Variants in CNTN5 observed in about 807,000 individuals in gnomAD.
The protein encoded by CNTN5 is contactin 5, also known as contactin-5.
A neutral mutation model predicts 129.1 loss-of-function variants in CNTN5; 77 were observed. That is an observed-to-expected ratio of 0.60 (90% CI 0.50 to 0.72). The LOEUF (loss-of-function observed/expected upper bound fraction) is 0.72, where lower values mean the gene tolerates loss of function less well. Ranked by LOEUF, CNTN5 falls within the 30% of genes least tolerant of loss-of-function variation. CNTN5 has a pLI of 0.00. For missense variants in CNTN5, 1,478 were observed against 1,328.8 expected (o/e 1.11, Z -1.75); for synonymous variants, 509 against 465.6 (o/e 1.09, Z -1.20).
intron 1 of CNTN5, among the ~76,000 whole-genome samples, chr11:99,124,301 G>A (rs1236911245): frequency 6.6e-6 from 1 of 151,994 alleles, no homozygotes; most frequent in African/African-American, 2.4e-5. Context: ...TTGTGAATGG[G>A]ATTATTTTCC....
At chr11:99,828,757 A>G (rs1446131504) in intron 4 of CNTN5, among the ~76,000 whole-genome samples, 1 of 152,204 alleles carries the variant, frequency 6.6e-6, no homozygotes, top group Non-Finnish European at 1.5e-5. Context: ...GAGAATTTAC[A>G]TTATTAAAAT....
In CNTN5 at chr11:99,553,905, A is replaced by G. The variant is rs1948577062; in HGVS notation, c.-70-2240A>G. The stretch of plus-strand genomic sequence containing the variant: ...TTTTAAGAAATATTATGTTGTGTGT[A>G]TTTAAGAAATATTATTTTGTTTATG... On this transcript the variant is annotated intron_variant, in intron 2 of 24. Coordinates refer to ENST00000524871, the MANE Select transcript of CNTN5 (RefSeq NM_014361.4). Among the ~76,000 whole-genome samples the G allele has an allele frequency of 2.0e-5, 3 of 151,542 alleles. No individual in the cohort carries two copies. In the Admixed American group the frequency reaches 2.0e-4, roughly 10 times the overall value.
intron 10 of CNTN5, among the ~76,000 whole-genome samples, chr11:100,062,953 G>T (rs1222402849): frequency 2.6e-5 from 4 of 152,134 alleles, no homozygotes; most frequent in Non-Finnish European, 5.9e-5. Flanking sequence ...ACAGTTTGAA[G>T]TATTACCATC....
At chr11:99,966,262 C>T (rs983384296) in intron 8 of CNTN5, among the ~76,000 whole-genome samples, 1 of 152,186 alleles carries the variant, frequency 6.6e-6, no homozygotes, top group African/African-American at 2.4e-5. Flanking sequence ...TAATAACTCT[C>T]TCTTATAAAA....
chr11:99,516,774 T>A (rs1200422646), intron 2 of CNTN5, among the ~76,000 whole-genome samples: 4 of 152,146 alleles, frequency 2.6e-5, no homozygotes, highest in Non-Finnish European at 4.4e-5. Context: ...TTCACTATCA[T>A]GTGTAAAAAT....
chr11:99,825,044 T>C (rs1385226814), intron 4 of CNTN5, among the ~76,000 whole-genome samples: 1 of 152,042 alleles, frequency 6.6e-6, no homozygotes, highest in Admixed American at 6.5e-5. Flanking sequence ...GTCTGTTATT[T>C]CTGTTAGTTC....
intron 1 of CNTN5, among the ~76,000 whole-genome samples, chr11:99,182,659 T>C (rs1858135830): frequency 6.6e-6 from 1 of 152,172 alleles, no homozygotes; most frequent in Non-Finnish European, 1.5e-5. Context: ...AAAGAAAAAT[T>C]AGAAATCAAA....
chr11:99,548,123 T>C (rs927198854), intron 2 of CNTN5, among the ~76,000 whole-genome samples: 1 of 152,204 alleles, frequency 6.6e-6, no homozygotes, highest in Non-Finnish European at 1.5e-5. Flanking sequence ...TTACTATTTT[T>C]CCTTTTGTCT....
At chr11:99,739,759 G>A (rs541922509) in intron 3 of CNTN5, among the ~76,000 whole-genome samples, 6 of 152,270 alleles carry the variant, frequency 3.9e-5, no homozygotes, top group Admixed American at 2.6e-4. Context: ...TCCATTTAAA[G>A]AGATTTTTGT....
At chr11:99,074,088 T>C (rs1264666890) in intron 1 of CNTN5, among the ~76,000 whole-genome samples, 1 of 152,240 alleles carries the variant, frequency 6.6e-6, no homozygotes, top group Non-Finnish European at 1.5e-5. Context: ...CATGAGATGT[T>C]ATCTCATTGT....
intron 3 of CNTN5, among the ~76,000 whole-genome samples, chr11:99,772,464 T>C (rs1208598638): frequency 6.6e-6 from 1 of 152,084 alleles, no homozygotes; most frequent in Non-Finnish European, 1.5e-5. Flanking sequence ...TCCTGACATA[T>C]TCCTGTAAAA....
intron 1 of CNTN5, among the ~76,000 whole-genome samples, chr11:99,320,541 C>T (rs1865525840): frequency 6.6e-6 from 1 of 151,970 alleles, no homozygotes; most frequent in Non-Finnish European, 1.5e-5. Flanking sequence ...TAAAGAAAGC[C>T]AGAATCAAAC....
chr11:100,142,553 G>T (rs1946729537), intron 13 of CNTN5, among the ~76,000 whole-genome samples: 1 of 152,102 alleles, frequency 6.6e-6, no homozygotes, highest in African/African-American at 2.4e-5. Flanking sequence ...CAAAATGCAG[G>T]TGCACAACAT....
chr11:99,919,427 C>G (rs1949878766), intron 7 of CNTN5, among the ~76,000 whole-genome samples: 1 of 152,120 alleles, frequency 6.6e-6, no homozygotes, highest in Admixed American at 6.6e-5. Context: ...CTCCATCGGC[C>G]AATGCCCTCT....
intron 2 of CNTN5, among the ~76,000 whole-genome samples, chr11:99,467,944 C>T (rs1052172759): frequency 1.1e-4 from 17 of 152,136 alleles, no homozygotes; most frequent in African/African-American, 4.1e-4. Context: ...AAAATTTCCT[C>T]TTCATTCCTG....
chr11:99,789,746 G>A (rs574586761), intron 3 of CNTN5, among the ~76,000 whole-genome samples: 42 of 152,040 alleles, frequency 2.8e-4, no homozygotes, highest in Non-Finnish European at 5.3e-4. Flanking sequence ...AATAGAACAT[G>A]ATTCCTTGAT....
intron 6 of CNTN5, among the ~76,000 whole-genome samples, chr11:99,874,504 C>CT (rs1224026026): frequency 6.6e-6 from 1 of 152,078 alleles, no homozygotes; most frequent in Non-Finnish European, 1.5e-5. Context: ...AGTTGTGTTT[C>CT]TTTTTGTGTT....
chr11:99,105,152 G>A lies in CNTN5; in HGVS notation c.-210+83882G>A, dbSNP rs187956133. On this transcript the variant is annotated intron_variant, in intron 1 of 24. Transcript: ENST00000524871. ...ACCTACTTGCTATGTATCCTTAGACGTGAGTGTAGTTGTCAGCAAATTAGA... is the reference window on the plus strand; with the variant it reads ...ACCTACTTGCTATGTATCCTTAGACATGAGTGTAGTTGTCAGCAAATTAGA... 6.2e-3 allele frequency among the ~76,000 whole-genome samples: 942 copies of A among 152,220 alleles called. 9 individuals are homozygous for A. Among genetic ancestry groups the A allele is most frequent in the Middle Eastern group, 0.02 (6 of 294 alleles).
chr11:99,537,194 G>A (rs1271746765), intron 2 of CNTN5, among the ~76,000 whole-genome samples: 3 of 152,108 alleles, frequency 2.0e-5, no homozygotes, highest in Non-Finnish European at 4.4e-5. Context: ...GCTCTTAAAT[G>A]CAATCCTGTT....
Sources: allele counts gnomAD v4.1 joint callset (sites outside exome capture counted in the v4.1 genomes callset), GRCh38; gene constraint gnomAD v4.1.1; transcripts MANE v1.5; gene names NCBI Gene and HGNC (gene_info 2026-07-23, HGNC 2026-07-21).